CRAMP1: variants seen among roughly 807,000 people sequenced by gnomAD.
CRAMP1 encodes cramped chromatin regulator 1.
CRAMP1 carries 50 observed loss-of-function variants against 115.4 expected under a neutral mutation model. The ratio of observed to expected loss-of-function variants is 0.43; its 90% CI spans 0.35 to 0.55. CRAMP1 has a LOEUF of 0.55. Ranked by LOEUF, CRAMP1 falls within the 20% of genes least tolerant of loss-of-function variation. The pLI, the probability that CRAMP1 is intolerant of heterozygous loss-of-function variation, is 0.01. For synonymous variants in CRAMP1, 866 were observed against 745.4 expected, an observed-to-expected ratio of 1.16 and a Z score of -2.64; for missense variants, 1,679 against 1,721.7, an observed-to-expected ratio of 0.98 and a Z score of 0.44.
chr16:1,645,600 GATGGGTAATGAC>G (rs1452983173), intron 6 of CRAMP1, among the ~76,000 whole-genome samples: 2 of 152,188 alleles, frequency 1.3e-5, no homozygotes, highest in Non-Finnish European at 2.9e-5. Flanking sequence ...GTTTTGGACA[GATGGGTAATGAC>G]ATGTGCCCAC....
At chr16:1,632,633 C>G (rs1383863645) in intron 4 of CRAMP1, among the ~76,000 whole-genome samples, 1 of 152,248 alleles carries the variant, frequency 6.6e-6, no homozygotes, top group Non-Finnish European at 1.5e-5. Context: ...TCCAGTGGCT[C>G]TGAGTGTGCG....
chr16:1,668,196 A>G lies in CRAMP1; in HGVS notation c.3334+3A>G. 2 of 1,609,138 alleles carry G rather than the reference A, an allele frequency of 1.2e-6. No individual in the cohort carries two copies. Among genetic ancestry groups the G allele is most frequent in the Non-Finnish European group, 1.7e-6 (2 of 1,176,014 alleles). ...CGCCATCAGCTCCGGTCAGTACGGT[A>G]AGGGCAGGGCGGCCTCACAGCCCTT... On this transcript the variant is annotated splice_donor_region_variant and intron_variant, in intron 18 of 20. Transcript: ENST00000397412.
rs1405065275 is a variant in CRAMP1 at position 1,625,876 on chromosome 16, C to T, written c.347-97C>T. The T allele has an allele frequency of 3.1e-5, 38 of 1,232,874 alleles. 1 individual carries two copies. In the South Asian group the frequency reaches 4.9e-4, roughly 16 times the overall value. The allele number at this position is 1,232,874 out of a possible 1,614,324, so 76.4% of individuals were successfully genotyped here. A position where few individuals can be genotyped will look rare whatever the true frequency, so the allele number is the denominator to read the frequency against. ...CTCGGTTGAGGAGTGTGGAGTGGGA[C>T]CTCAGGGCAGTGGGCCCTTCCCTCC... On this transcript the variant is annotated intron_variant, in intron 2 of 20. Coordinates refer to ENST00000397412, the MANE Select transcript of CRAMP1 (RefSeq NM_020825.4).
In CRAMP1 at chr16:1,612,473, C is replaced by G. The variant is rs990934337; in HGVS notation, c.-186C>G. 16 of 151,354 alleles carry G rather than the reference C, an allele frequency of 1.1e-4. No homozygotes were observed. Among genetic ancestry groups the G allele is most frequent in the Middle Eastern group, 3.4e-3 (1 of 294 alleles). 9.4% of individuals were successfully genotyped at this position (151,354 alleles called of 1,614,324 possible). Reference sequence around the variant, plus strand: ...GCAGCCCCCGCAGCCGCGCGCCGGCCCGCGGAGGGGACGTGCCGGGGCTAG... The same window carrying G: ...GCAGCCCCCGCAGCCGCGCGCCGGCGCGCGGAGGGGACGTGCCGGGGCTAG... On this transcript the variant is annotated 5_prime_UTR_variant, in exon 1 of 21. Transcript: ENST00000397412.
At chr16:1,652,887 C>T (rs1324225697) in intron 7 of CRAMP1, 146 bp from the exon 8 acceptor site, 3 of 997,856 alleles carry the variant, frequency 3.0e-6, no homozygotes, top group African/African-American at 3.3e-5. Context: ...GGAGTTTCTT[C>T]TTCGCTGGGG....
chr16:1,655,281 C>A lies in CRAMP1; in HGVS notation c.1100C>A (p.Ala367Glu). The A allele has an allele frequency of 1.9e-6, 3 of 1,613,822 alleles. No homozygotes were observed. In the South Asian group the frequency reaches 3.3e-5, roughly 18 times the overall value. The change falls in exon 9 of 21, where the codon GCG (alanine) becomes GAG (glutamate). Residue 367 changes from alanine to glutamate, a missense_variant. Around this residue, in one of 8 missense-constraint regions of CRAMP1, gnomAD observed 191 missense variants for 236.2 expected, o/e 0.81. Transcript: ENST00000397412. ...SLIEFLKQKWALHEVRVRKTL... is the reference protein window; with the variant it reads ...SLIEFLKQKWELHEVRVRKTL... ...ATCGAATTCTTGAAGCAGAAGTGGG[C>A]GCTCCATGAGGTGCGAGTTGTATCC...
chr16:1,665,189 G>GGA, intron 14 of CRAMP1, 51 bp downstream of exon 14: 1 of 1,209,764 alleles, frequency 8.3e-7, no homozygotes, highest in Non-Finnish European at 1.2e-6. Flanking sequence ...CCTCACAGGA[G>GGA]GGCCTTGGCT....
At position 1,614,791 on chromosome 16, in the gene CRAMP1, C is replaced by A. The variant is rs778126645; in HGVS notation, c.152C>A (p.Thr51Asn). Residue 51 changes from threonine (T) to asparagine (N), a missense_variant, in exon 2 of 21, where the codon ACC (threonine) becomes AAC (asparagine). By Grantham distance (65) the Thr-to-Asn change is moderately conservative (BLOSUM62 0). Transcript: ENST00000397412. This position sits in a 1 kb window ranked among gnomAD's most constrained non-coding sequence, Gnocchi z 4.4. ...AGCGGCACAAAGAGGGACGAGAAGA[C>A]CCCCCGGGCCGGCGCCGACGGCCCC... Reference protein sequence around the residue: ...ESSGTKRDEKTPRAGADGPPA... With the variant: ...ESSGTKRDEKNPRAGADGPPA... 1.5e-6 allele frequency: 2 copies of A among 1,308,022 alleles called. No individual in the cohort carries two copies. Among genetic ancestry groups the A allele is most frequent in the South Asian group, 2.5e-5 (1 of 39,498 alleles). 81.0% of individuals were successfully genotyped at this position (1,308,022 alleles called of 1,614,324 possible). A position where few individuals can be genotyped will look rare whatever the true frequency, so the allele number is the denominator to read the frequency against.
intron 2 of CRAMP1, among the ~76,000 whole-genome samples, chr16:1,622,852 C>A (rs2036477356): frequency 6.6e-6 from 1 of 151,554 alleles, no homozygotes; most frequent in South Asian, 2.1e-4. Context: ...ACCTCTGCCT[C>A]CCGGTTTCAA....
intron 6 of CRAMP1, among the ~76,000 whole-genome samples, chr16:1,646,466 C>T (rs918916586): frequency 6.6e-5 from 10 of 152,264 alleles, no homozygotes; most frequent in Admixed American, 2.6e-4. Context: ...CTCATGACAC[C>T]GAGTGTCTTT....
At chr16:1,660,141 T>C (rs1398917788) in intron 11 of CRAMP1, 78 bp downstream of exon 11, 6 of 1,295,488 alleles carry the variant, frequency 4.6e-6, no homozygotes, top group Non-Finnish European at 6.2e-6. Flanking sequence ...GTGCCGAAGC[T>C]GAGAGCACAG....
rs2036924393 is a variant in CRAMP1 at position 1,671,627 on chromosome 16, A to T, written c.3645+818A>T. ...GAGATCATCCGCATGGGCTTAGCCC[A>T]TGTGAAAGTCCTGGAGCAGCATTCC... On this transcript the variant is annotated intron_variant, in intron 20 of 20. Transcript: ENST00000397412. The surrounding 1 kb of genome is among the most constrained non-coding windows in gnomAD (Gnocchi z 5.0). Among the ~76,000 whole-genome samples, 1 of 152,180 alleles carries T rather than the reference A, an allele frequency of 6.6e-6. No homozygotes were observed. The highest frequency in any genetic ancestry group is 1.5e-5 in the Non-Finnish European group (1 of 68,034).
rs146404798 is a variant in CRAMP1, at chr16:1,662,625, G to A, written c.2549G>A (p.Ser850Asn). Residue 850 changes from serine to asparagine, a missense_variant, in exon 12 of 21, where the codon AGT becomes AAT. Physicochemically the swap from Ser to Asn is conservative, Grantham distance 46. Around this residue, in one of 8 missense-constraint regions of CRAMP1, gnomAD observed 709 missense variants for 741.9 expected, o/e 0.96. Coordinates refer to ENST00000397412, the MANE Select transcript of CRAMP1 (RefSeq NM_020825.4). Reference sequence around the variant, plus strand: ...CGACACGGGAAGCTCTTCTCTCCCAGTAAAGAAGCAGAGCTGACTTTCCGC... The same window carrying A: ...CGACACGGGAAGCTCTTCTCTCCCAATAAAGAAGCAGAGCTGACTTTCCGC... ...NSRHGKLFSP[S>N]KEAELTFRQH... 3 of 1,613,918 alleles carry A rather than the reference G, an allele frequency of 1.9e-6. No individual in the cohort carries two copies. The African/African-American group carries it at 4.0e-5, about 22-fold the overall frequency.
At chr16:1,612,838 C>T (rs1290787811) in intron 1 of CRAMP1, among the ~76,000 whole-genome samples, 181 bp downstream of exon 1, 2 of 152,050 alleles carry the variant, frequency 1.3e-5, no homozygotes, top group African/African-American at 2.4e-5. Flanking sequence ...CGGAGCGGGA[C>T]GGGGCTGGAG....
chr16:1,641,401 C>T (rs1284589437), intron 6 of CRAMP1, among the ~76,000 whole-genome samples: 8 of 152,216 alleles, frequency 5.3e-5, no homozygotes, highest in African/African-American at 9.7e-5. Context: ...AAGGAAGTGC[C>T]GTCTTTGGCC....
intron 20 of CRAMP1, 54 bp from the exon 21 acceptor site, chr16:1,673,827 C>A (rs762379749): frequency 6.3e-7 from 1 of 1,576,580 alleles, no homozygotes; most frequent in East Asian, 2.2e-5. Flanking sequence ...CCGCCCTCCA[C>A]TGAAGGGCCA....
intron 2 of CRAMP1, among the ~76,000 whole-genome samples, chr16:1,616,881 C>T (rs1307189257): frequency 6.6e-6 from 1 of 150,684 alleles, no homozygotes; most frequent in Non-Finnish European, 1.5e-5. Flanking sequence ...GTGGTGCGAT[C>T]TCAGCTCATT....
intron 9 of CRAMP1, among the ~76,000 whole-genome samples, 179 bp from the exon 10 acceptor site, chr16:1,655,698 G>A (rs1179294255): frequency 6.6e-6 from 1 of 152,236 alleles, no homozygotes; most frequent in Admixed American, 6.5e-5. Flanking sequence ...TTTCCTGAAG[G>A]TACTAAGTGC....
chr16:1,612,573 G>C lies in CRAMP1; in HGVS notation c.-86G>C, dbSNP rs1307854405. ...GCCTCCCTGCAGCCGGCGCTCGGGG[G>C]CCGGGGCTGCCCGGCCCGGCTGGTT... On this transcript the variant is annotated 5_prime_UTR_variant, in exon 1 of 21. Transcript: ENST00000397412. Among the ~76,000 whole-genome samples the C allele has an allele frequency of 6.6e-6, 1 of 151,834 alleles. No homozygotes were observed. The highest frequency in any genetic ancestry group is 2.4e-5 in the African/African-American group (1 of 41,390).
Sources: allele counts gnomAD v4.1 joint callset (sites outside exome capture counted in the v4.1 genomes callset), GRCh38; gene constraint gnomAD v4.1.1; regional missense constraint gnomAD v4.1.1; non-coding constraint Gnocchi (gnomAD v3.1); transcripts MANE v1.5; gene names NCBI Gene and HGNC (gene_info 2026-07-23, HGNC 2026-07-21).